The following GMDS variants were observed in gnomAD, a reference collection of about 807,000 sequenced individuals.
The protein encoded by GMDS is GDP-mannose 4,6-dehydratase.
Under a neutral mutation model 49.9 loss-of-function variants are expected in GMDS, and 20 were observed. The ratio of observed to expected loss-of-function variants is 0.40; its 90% CI spans 0.28 to 0.58. GMDS has a LOEUF of 0.58. Among genes scored for constraint, GMDS ranks in the 20% least tolerant of loss-of-function variants. The pLI is 0.42. For synonymous variants in GMDS, 177 were observed against 178.6 expected (o/e 0.99, Z 0.07); for missense variants, 362 against 481.4 (o/e 0.75, Z 2.32).
At chr6:2,151,380 T>C (rs1356648285) in intron 1 of GMDS, among the ~76,000 whole-genome samples, 1 of 152,090 alleles carries the variant, frequency 6.6e-6, no homozygotes, top group African/African-American at 2.4e-5. Context: ...AAAGCAAATA[T>C]AACTTGTAAA....
chr6:1,997,507 CAAAAAAAAA>C (rs542421435), intron 4 of GMDS, among the ~76,000 whole-genome samples: 1 of 61,624 alleles, frequency 1.6e-5, no homozygotes, highest in Non-Finnish European at 3.1e-5. Flanking sequence ...GACTCTGTCT[CAAAAAAAAA>C]AAAAAAAAAA....
At chr6:2,171,470 T>G (rs1353487268) in intron 1 of GMDS, among the ~76,000 whole-genome samples, 1 of 152,198 alleles carries the variant, frequency 6.6e-6, no homozygotes, top group Admixed American at 6.5e-5. Context: ...AAATGGCAGA[T>G]GTGTTGATGA....
At chr6:1,859,971 T>C (rs1379627249) in intron 7 of GMDS, among the ~76,000 whole-genome samples, 4 of 152,242 alleles carry the variant, frequency 2.6e-5, no homozygotes, top group Non-Finnish European at 5.9e-5. Context: ...AGTAGAGGCC[T>C]ATTATACAGA....
At chr6:2,059,642 A>G (rs1050236648) in intron 4 of GMDS, among the ~76,000 whole-genome samples, 1 of 128,438 alleles carries the variant, frequency 7.8e-6, no homozygotes, top group Non-Finnish European at 1.6e-5. Context: ...CGGGAGGCGG[A>G]GCTTGCAGTG....
At chr6:1,628,937 T>G (rs1762919878) in intron 9 of GMDS, among the ~76,000 whole-genome samples, 1 of 152,182 alleles carries the variant, frequency 6.6e-6, no homozygotes, top group African/African-American at 2.4e-5. Flanking sequence ...GCCAGTGAAT[T>G]TGGTTCTTGA....
chr6:1,998,786 T>C (rs1005395128), intron 4 of GMDS, among the ~76,000 whole-genome samples: 1 of 152,150 alleles, frequency 6.6e-6, no homozygotes, highest in South Asian at 2.1e-4. Flanking sequence ...TGGGCATCCA[T>C]GGATTTTGGT....
At chr6:2,038,486 T>A (rs569509678) in intron 4 of GMDS, among the ~76,000 whole-genome samples, 27 of 152,304 alleles carry the variant, frequency 1.8e-4, no homozygotes, top group Admixed American at 9.8e-4. Flanking sequence ...GCCCGCACAC[T>A]TCAGTGTTCC....
At chr6:2,052,121 A>G (rs1581576669) in intron 4 of GMDS, among the ~76,000 whole-genome samples, 1 of 146,132 alleles carries the variant, frequency 6.8e-6, no homozygotes. Context: ...TGTCTCAAAA[A>G]AAAAAAAAAG....
At chr6:1,867,332 T>G (rs1022402124) in intron 7 of GMDS, among the ~76,000 whole-genome samples, 2 of 152,238 alleles carry the variant, frequency 1.3e-5, no homozygotes, top group Non-Finnish European at 2.9e-5. Context: ...TTGTGAAATA[T>G]TAACGAAAAC....
At chr6:1,676,978 C>T (rs150146682) in intron 9 of GMDS, among the ~76,000 whole-genome samples, 73 of 152,280 alleles carry the variant, frequency 4.8e-4, no homozygotes, top group African/African-American at 1.6e-3. Flanking sequence ...AAGAAACTAA[C>T]AGAGTGAACA....
At chr6:1,919,995 T>C (rs1049594508) in intron 7 of GMDS, among the ~76,000 whole-genome samples, 1 of 152,200 alleles carries the variant, frequency 6.6e-6, no homozygotes, top group Non-Finnish European at 1.5e-5. Context: ...ACAGAGAGGA[T>C]TGAACTTTCT....
chr6:2,129,612 C>T (rs1775628683), intron 1 of GMDS, among the ~76,000 whole-genome samples: 1 of 152,172 alleles, frequency 6.6e-6, no homozygotes, highest in African/African-American at 2.4e-5. Flanking sequence ...GAAGAGAAAG[C>T]ACTCGTTTGC....
rs568138291 is a variant in GMDS at position 2,036,358 on chromosome 6, G to A, written c.346-75392C>T. ...GATTATGAAGTTGTCTTTCATAAAC[G>A]CAGATCTCGGGAATAAACTGAGTTA... is the stretch of plus-strand genomic sequence containing the variant. On this transcript the variant is annotated intron_variant, in intron 4 of 10. Transcript: ENST00000380815. 1.5e-4 allele frequency among the ~76,000 whole-genome samples: 23 copies of A among 152,138 alleles called. No individual in the cohort carries two copies. The South Asian group carries it at 3.1e-3, about 21-fold the overall frequency.
At chr6:2,211,008 C>T (rs1780038568) in intron 1 of GMDS, among the ~76,000 whole-genome samples, 1 of 152,150 alleles carries the variant, frequency 6.6e-6, no homozygotes, top group African/African-American at 2.4e-5. Context: ...TGAAGATGTG[C>T]TTGCTTCTCC....
chr6:1,645,471 C>A (rs1414428943), intron 9 of GMDS, among the ~76,000 whole-genome samples: 1 of 152,230 alleles, frequency 6.6e-6, no homozygotes, highest in Non-Finnish European at 1.5e-5. Flanking sequence ...GCACGGCATG[C>A]TCGAGTGCCC....
intron 4 of GMDS, among the ~76,000 whole-genome samples, chr6:2,099,630 A>T (rs1484842164): frequency 1.3e-5 from 2 of 152,084 alleles, no homozygotes. Context: ...AGATATCCCC[A>T]TATTAACAGT....
At position 2,245,281 on chromosome 6, in the gene GMDS, C is replaced by A. The variant is rs112282696; in HGVS notation, c.102+40G>T. The A allele has an allele frequency of 1.6e-3, 2,123 of 1,343,920 alleles. 32 individuals are homozygous for A. In the African/African-American group the frequency reaches 0.027, roughly 17 times the overall value. 83.2% of individuals were successfully genotyped at this position (1,343,920 alleles called of 1,614,324 possible). On this transcript the variant is annotated intron_variant, in intron 1 of 10. Transcript: ENST00000380815. ...GGCGCGTAGGGAGAGCACGCGTGCCCAGGCTGCCTCGGCCGGCGCGCCCCC... is the reference window on the plus strand; with the variant it reads ...GGCGCGTAGGGAGAGCACGCGTGCCAAGGCTGCCTCGGCCGGCGCGCCCCC...
At chr6:2,023,323 C>T (rs981506341) in intron 4 of GMDS, among the ~76,000 whole-genome samples, 1 of 152,204 alleles carries the variant, frequency 6.6e-6, no homozygotes, top group Non-Finnish European at 1.5e-5. Flanking sequence ...TGGCCATAAG[C>T]TACAAAAGGA....
At chr6:1,744,807 T>C (rs765927671) in intron 7 of GMDS, among the ~76,000 whole-genome samples, 1 of 152,252 alleles carries the variant, frequency 6.6e-6, no homozygotes, top group Admixed American at 6.5e-5. Flanking sequence ...TGCTGACCTC[T>C]CTCTAGGTCC....
Sources: gnomAD v4.1 joint callset for allele counts (sites outside exome capture counted in the v4.1 genomes callset) on GRCh38, gnomAD v4.1.1 for gene constraint, MANE v1.5 for transcripts, NCBI Gene and HGNC (gene_info 2026-07-23, HGNC 2026-07-21) for gene names.